The following ITSN2 variants were observed in gnomAD, a reference collection of about 807,000 sequenced individuals.
The protein encoded by ITSN2 is intersectin 2, also known as intersectin-2.
A neutral mutation model predicts 243.7 loss-of-function variants in ITSN2; 156 were observed. That is an observed-to-expected ratio of 0.64 (90% CI 0.56 to 0.73). The LOEUF (loss-of-function observed/expected upper bound fraction) is 0.73. ITSN2 is among the 30% of genes least tolerant of loss of function. The probability of loss-of-function intolerance (pLI) is 0.00; values close to 1 mark genes in which losing one functional copy is unlikely to be tolerated. For synonymous variants in ITSN2, 703 were observed against 699.9 expected, an observed-to-expected ratio of 1.00 and a Z score of -0.07; for missense variants, 1,801 against 1,996.1, an observed-to-expected ratio of 0.90 and a Z score of 1.86.
chr2:24,337,319 T>TATATATATATATACATATATATAC (rs1686513015), intron 1 of ITSN2, among the ~76,000 whole-genome samples: 5 of 66,976 alleles, frequency 7.5e-5, no homozygotes, highest in Non-Finnish European at 1.1e-4. Flanking sequence ...ACACAAAATA[T>TATATATATATATACATATATATAC]ATATATATAT....
In ITSN2 at chr2:24,305,955, C is replaced by T. The variant is rs149078735; in HGVS notation, c.794-2093G>A. On this transcript the variant is annotated intron_variant, in intron 8 of 39. Coordinates refer to ENST00000355123, the MANE Select transcript of ITSN2 (RefSeq NM_006277.3). ...TTATAGTTACAGTACTTATACAAAG[C>T]GTACTACTCTTAAGTGTGCTGCCTA... 1.3e-3 allele frequency among the ~76,000 whole-genome samples: 199 copies of T among 152,232 alleles called. 1 individual carries two copies. The highest frequency in any genetic ancestry group is 4.5e-3 in the African/African-American group (186 of 41,562).
At chr2:24,248,545 A>C in intron 27 of ITSN2, 84 bp downstream of exon 27, 1 of 1,202,618 alleles carries the variant, frequency 8.3e-7, no homozygotes, top group East Asian at 2.6e-5. Context: ...GGGTGATCTA[A>C]AAATTTTTAT....
intron 23 of ITSN2, among the ~76,000 whole-genome samples, chr2:24,256,325 G>A (rs1574036579): frequency 6.6e-6 from 1 of 152,314 alleles, no homozygotes; most frequent in Non-Finnish European, 1.5e-5. Flanking sequence ...AGCAGTGAAA[G>A]GGTCTTTAAA....
intron 1 of ITSN2, among the ~76,000 whole-genome samples, chr2:24,329,865 T>C (rs534157052): frequency 1.3e-5 from 2 of 152,192 alleles, no homozygotes; most frequent in South Asian, 4.1e-4. Flanking sequence ...CAGAAGGAAG[T>C]CCCATCAATC....
intron 1 of ITSN2, among the ~76,000 whole-genome samples, chr2:24,347,109 G>A (rs948160446): frequency 4.0e-5 from 6 of 151,582 alleles, no homozygotes; most frequent in African/African-American, 1.2e-4. Flanking sequence ...GTGATCTGCC[G>A]ACCTCAGCCT....
At chr2:24,319,057 C>T (rs146917432) in intron 2 of ITSN2, among the ~76,000 whole-genome samples, 2 of 152,320 alleles carry the variant, frequency 1.3e-5, no homozygotes, top group East Asian at 3.9e-4. Flanking sequence ...AAACCAACCC[C>T]CTCCCACCAC....
chr2:24,262,187 T>C (rs1675988877), intron 20 of ITSN2, among the ~76,000 whole-genome samples: 1 of 152,196 alleles, frequency 6.6e-6, no homozygotes, highest in African/African-American at 2.4e-5. Context: ...GACCTCTCTT[T>C]CACTGTAGCC....
chr2:24,327,665 G>C (rs534823121), intron 2 of ITSN2, among the ~76,000 whole-genome samples: 1 of 152,092 alleles, frequency 6.6e-6, no homozygotes, highest in East Asian at 1.9e-4. Flanking sequence ...CTTATCTAAA[G>C]GGAAAACATA....
chr2:24,219,102 T>C (rs916217947), intron 30 of ITSN2, among the ~76,000 whole-genome samples: 1 of 152,170 alleles, frequency 6.6e-6, no homozygotes, highest in Non-Finnish European at 1.5e-5. Flanking sequence ...TTCCTCCTCC[T>C]GGAGTAGCAA....
intron 34 of ITSN2, 75 bp downstream of exon 34, chr2:24,210,705 G>A (rs1042344857): frequency 8.3e-6 from 12 of 1,437,462 alleles, no homozygotes; most frequent in African/African-American, 2.8e-5. Flanking sequence ...GACTGTCCAC[G>A]TGAGGGAAGG....
chr2:24,332,585 A>C (rs1685910177), intron 1 of ITSN2, among the ~76,000 whole-genome samples: 3 of 152,214 alleles, frequency 2.0e-5, no homozygotes, highest in African/African-American at 4.8e-5. Context: ...ATTGTATGTA[A>C]CATCTGATTA....
chr2:24,337,300 T>C (rs1258849933), intron 1 of ITSN2, among the ~76,000 whole-genome samples: 1 of 62,626 alleles, frequency 1.6e-5, no homozygotes, highest in East Asian at 4.1e-4. Context: ...TGTGTGTGTG[T>C]GTGTGTATAC....
Position 24,246,317 on chromosome 2 carries a change from C to T in ITSN2, c.3389G>A (p.Cys1130Tyr). The change falls in exon 29 of 40, where the codon TGT becomes TAT. Residue 1130 changes from cysteine (C) to tyrosine (Y), a missense_variant. Around this residue, in one of 5 missense-constraint regions of ITSN2, gnomAD observed 928 missense variants for 1,065.4 expected, o/e 0.87. Coordinates refer to ENST00000355123, the MANE Select transcript of ITSN2 (RefSeq NM_006277.3). Reference protein sequence around the residue: ...ERATPAFHPVCQVIAMYDYAA... With the variant: ...ERATPAFHPVYQVIAMYDYAA... ...ATAGTCATACATAGCAATCACCTGACATACTATCACAAGAATAACAAAATA... is the reference window on the plus strand; with the variant it reads ...ATAGTCATACATAGCAATCACCTGATATACTATCACAAGAATAACAAAATA... 6.3e-7 allele frequency: 1 copy of T among 1,589,718 alleles called. No individual in the cohort carries two copies.
intron 29 of ITSN2, among the ~76,000 whole-genome samples, chr2:24,223,684 A>C (rs79932366): frequency 4.4e-3 from 256 of 58,700 alleles, no homozygotes; most frequent in Middle Eastern, 0.019. Flanking sequence ...ACCCTGTTTC[A>C]AAAAAAAAAA....
At chr2:24,289,879 C>T (rs1215400036) in intron 15 of ITSN2, among the ~76,000 whole-genome samples, 2 of 152,164 alleles carry the variant, frequency 1.3e-5, no homozygotes, top group African/African-American at 4.8e-5. Flanking sequence ...CCAGGGAAGC[C>T]ATAAGATTAG....
At chr2:24,223,710 G>C (rs1670698707) in intron 29 of ITSN2, among the ~76,000 whole-genome samples, 1 of 142,938 alleles carries the variant, frequency 7.0e-6, no homozygotes, top group African/African-American at 2.6e-5. Context: ...GGAAAAGAAA[G>C]GAACAGGGAG....
intron 7 of ITSN2, 47 bp downstream of exon 7, chr2:24,310,237 A>C (rs771283204): frequency 8.4e-7 from 1 of 1,193,898 alleles, no homozygotes. Context: ...TTAAATAAAG[A>C]CTTCTTACTG....
chr2:24,216,224 C>T lies in ITSN2; in HGVS notation c.3815G>A (p.Arg1272Gln), dbSNP rs747367341. The change falls in exon 32 of 40, where the codon CGG (arginine) becomes CAG (glutamine). Residue 1272 changes from arginine (R) to glutamine (Q), a missense_variant. Transcript: ENST00000355123. Reference sequence around the variant, plus strand: ...CTCGCCCCCGGTCTTCTTCCGCACCCGCAAAGCCCTGCCAAGAACACACTC... The same window carrying T: ...CTCGCCCCCGGTCTTCTTCCGCACCTGCAAAGCCCTGCCAAGAACACACTC... ...MSNTKLLKALRVRKKTGGEKM... is the reference protein window; with the variant it reads ...MSNTKLLKALQVRKKTGGEKM... 64 of 1,597,996 alleles carry T rather than the reference C, an allele frequency of 4.0e-5. No homozygotes were observed. The East Asian group carries it at 8.6e-4, about 21-fold the overall frequency.
At chr2:24,209,308 G>A in intron 35 of ITSN2, 87 bp from the exon 36 acceptor site, 1 of 1,522,994 alleles carries the variant, frequency 6.6e-7, no homozygotes, top group Non-Finnish European at 9.0e-7. Context: ...TGTTTGTTCT[G>A]AAGAGCCTTG....
Sources: gnomAD v4.1 joint callset for allele counts (sites outside exome capture counted in the v4.1 genomes callset) on GRCh38, gnomAD v4.1.1 for gene constraint, gnomAD v4.1.1 regional missense constraint, MANE v1.5 for transcripts, NCBI Gene and HGNC (gene_info 2026-07-23, HGNC 2026-07-21) for gene names.